Variants in AR observed in about 807,000 individuals in gnomAD.
AR encodes the protein dihydrotestosterone receptor.
Under a neutral mutation model 53.9 loss-of-function variants are expected in AR, and 8 were observed. That is an observed-to-expected ratio of 0.15 (90% CI 0.09 to 0.27). AR has a LOEUF of 0.27. AR is among the 10% of genes least tolerant of loss of function. The pLI, the probability that AR is intolerant of heterozygous loss-of-function variation, is 1.00. For missense variants in AR, 639 were observed against 742.5 expected, an observed-to-expected ratio of 0.86 and a Z score of 1.62; for synonymous variants, 359 against 316.4, an observed-to-expected ratio of 1.13 and a Z score of -1.43.
intron 2 of AR, among the ~76,000 whole-genome samples, chrX:67,681,305 C>G (rs1201872671): frequency 9.0e-6 from 1 of 111,289 alleles, no homozygotes; most frequent in Non-Finnish European, 1.9e-5. Context: ...TATAGAGGAC[C>G]TTCTAGAACC....
Position 67,545,381 on chromosome X carries a change from C to A in AR, c.235C>A (p.Gln79Lys), listed in dbSNP as rs1261397121. The A allele has an allele frequency of 1.7e-6, 2 of 1,171,347 alleles. No individual in the cohort carries two copies. Among genetic ancestry groups the A allele is most frequent in the African/African-American group, 3.8e-5 (2 of 51,963 alleles). Reference sequence around the variant, plus strand: ...GCAGCAGCAGCAGCAGCAGCAGCAGCAGCAAGAGACTAGCCCCAGGCAGCA... The same window carrying A: ...GCAGCAGCAGCAGCAGCAGCAGCAGAAGCAAGAGACTAGCCCCAGGCAGCA... Reference protein sequence around the residue: ...QQQQQQQQQQQQETSPRQQQQ... With the variant: ...QQQQQQQQQQKQETSPRQQQQ... The change falls in exon 1 of 8, where the codon CAG (glutamine) becomes AAG (lysine). Residue 79 changes from glutamine (Q) to lysine (K), a missense_variant. This residue lies in a region of AR where 55 missense variants were observed against 84.8 expected (regional missense o/e 0.65). Coordinates refer to ENST00000374690, the MANE Select transcript of AR (RefSeq NM_000044.6).
At chrX:67,581,759 T>C (rs1922307843) in intron 1 of AR, among the ~76,000 whole-genome samples, 1 of 111,643 alleles carries the variant, frequency 9.0e-6, no homozygotes, top group Non-Finnish European at 1.9e-5. Context: ...TAAGCCTAGA[T>C]TGGATGGAAG....
chrX:67,603,422 A>G (rs910195636), intron 1 of AR, among the ~76,000 whole-genome samples: 1 of 111,774 alleles, frequency 8.9e-6, no homozygotes, highest in Admixed American at 9.5e-5. Context: ...AAATTTGGTA[A>G]GAGTTCAGAG....
chrX:67,577,523 C>G (rs1922111494), intron 1 of AR, among the ~76,000 whole-genome samples: 1 of 111,155 alleles, frequency 9.0e-6, no homozygotes, highest in African/African-American at 3.3e-5. Flanking sequence ...AATATGGTAG[C>G]TTAACATTTA....
intron 2 of AR, chrX:67,680,739 A>T: frequency 3.0e-6 from 1 of 331,132 alleles, no homozygotes; most frequent in Non-Finnish European, 5.9e-6. Flanking sequence ...GAATGAACAA[A>T]TTAAAAGAAT....
At chrX:67,640,183 G>A (rs1437668264) in intron 1 of AR, among the ~76,000 whole-genome samples, 1 of 111,298 alleles carries the variant, frequency 9.0e-6, no homozygotes, top group African/African-American at 3.3e-5. Flanking sequence ...GATCGTGGTG[G>A]ATAAGCTTTT....
intron 2 of AR, among the ~76,000 whole-genome samples, chrX:67,672,345 G>A (rs962144106): frequency 2.7e-5 from 3 of 111,046 alleles, no homozygotes; most frequent in Admixed American, 9.6e-5. Context: ...TAGATTCAGC[G>A]TTATGATTGA....
rs2147525373 is a variant in AR at position 67,711,692 on chromosome X, A to G, written c.2173+3A>G. On this transcript the variant is annotated splice_donor_region_variant and intron_variant, in intron 4 of 7. Transcript: ENST00000374690. ...CAAGTGGGCCAAGGCCTTGCCTGGTAAGGAAAAGGGAAGTGGGAGCATGAG... is the reference window on the plus strand; with the variant it reads ...CAAGTGGGCCAAGGCCTTGCCTGGTGAGGAAAAGGGAAGTGGGAGCATGAG... 8.3e-7 allele frequency: 1 copy of G among 1,201,820 alleles called. No individual in the cohort carries two copies. The highest frequency in any genetic ancestry group is 1.1e-6 in the Non-Finnish European group (1 of 890,453).
chrX:67,718,810 T>G (rs779502731), intron 5 of AR, among the ~76,000 whole-genome samples: 6 of 111,441 alleles, frequency 5.4e-5, no homozygotes, highest in Non-Finnish European at 1.1e-4. Flanking sequence ...ATTTTTGTAT[T>G]TTTGGTAGAG....
At chrX:67,704,343 T>C (rs1435840261) in intron 3 of AR, among the ~76,000 whole-genome samples, 3 of 108,849 alleles carry the variant, frequency 2.8e-5, no homozygotes, top group Admixed American at 9.7e-5. Context: ...CCATTCTAAC[T>C]GGTGTGAGAT....
chrX:67,639,407 G>T (rs1925627019), intron 1 of AR, among the ~76,000 whole-genome samples: 1 of 111,745 alleles, frequency 8.9e-6, no homozygotes, highest in African/African-American at 3.3e-5. Flanking sequence ...AACACTTTGG[G>T]CAGTTTGGCC....
chrX:67,546,617 G>T lies in AR; in HGVS notation c.1471G>T (p.Ala491Ser). 1 of 1,190,137 alleles carries T rather than the reference G, an allele frequency of 8.4e-7. No homozygotes were observed. Among genetic ancestry groups the T allele is most frequent in the South Asian group, 1.8e-5 (1 of 54,129 alleles). ...YGYTRPPQGLAGQESDFTAPD... is the reference protein window; with the variant it reads ...YGYTRPPQGLSGQESDFTAPD... ...CTACACTCGGCCCCCTCAGGGGCTG[G>T]CGGGCCAGGAAAGCGACTTCACCGC... The change falls in exon 1 of 8, where the codon GCG becomes TCG. Residue 491 changes from alanine (A) to serine (S), a missense_variant. Around this residue, in one of 5 missense-constraint regions of AR, gnomAD observed 423 missense variants for 377.0 expected, o/e 1.12. Transcript: ENST00000374690.
At chrX:67,723,354 CAG>C (rs373151625) in intron 7 of AR, among the ~76,000 whole-genome samples, 375 of 48,373 alleles carry the variant, frequency 7.8e-3, no homozygotes, top group Admixed American at 7.2e-3. Context: ...GTGTGTGTGT[CAG>C]AGAGAGAGAG....
intron 1 of AR, among the ~76,000 whole-genome samples, chrX:67,642,393 G>T (rs751790915): frequency 1.8e-5 from 2 of 111,774 alleles, no homozygotes; most frequent in African/African-American, 6.5e-5. Flanking sequence ...TGGCTTTCTG[G>T]CCCTTCTCCT....
intron 1 of AR, among the ~76,000 whole-genome samples, chrX:67,591,271 T>C (rs1176295902): frequency 9.1e-6 from 1 of 109,908 alleles, no homozygotes; most frequent in Non-Finnish European, 1.9e-5. Flanking sequence ...AAAATTATGC[T>C]GACCAACAGG....
intron 1 of AR, among the ~76,000 whole-genome samples, chrX:67,627,524 G>T (rs962239080): frequency 2.7e-5 from 3 of 111,410 alleles, no homozygotes; most frequent in African/African-American, 9.8e-5. Flanking sequence ...GTAGATTCTG[G>T]ATATTAGCCC....
chrX:67,631,811 G>C (rs747379248), intron 1 of AR, among the ~76,000 whole-genome samples: 3 of 112,233 alleles, frequency 2.7e-5, no homozygotes, highest in African/African-American at 9.7e-5. Flanking sequence ...GTACAGATGG[G>C]TTTTTGGTGT....
intron 1 of AR, among the ~76,000 whole-genome samples, chrX:67,579,655 C>A (rs1409707667): frequency 9.0e-6 from 1 of 111,417 alleles, no homozygotes; most frequent in Non-Finnish European, 1.9e-5. Flanking sequence ...TATGCAATTC[C>A]CTGTCCTCCT....
intron 3 of AR, among the ~76,000 whole-genome samples, chrX:67,700,766 T>G (rs1466278981): frequency 8.9e-6 from 1 of 112,063 alleles, no homozygotes; most frequent in Non-Finnish European, 1.9e-5. Context: ...CCCCACAGTC[T>G]CTGCACATAT....
Sources: gnomAD v4.1 joint callset for allele counts (sites outside exome capture counted in the v4.1 genomes callset) on GRCh38, gnomAD v4.1.1 for gene constraint, gnomAD v4.1.1 regional missense constraint, MANE v1.5 for transcripts, NCBI Gene and HGNC (gene_info 2026-07-23, HGNC 2026-07-21) for gene names.